The following CAND2 variants were observed in gnomAD, a reference collection of about 807,000 sequenced individuals.
CAND2 encodes cullin-associated NEDD8-dissociated protein 2.
A neutral mutation model predicts 98.9 loss-of-function variants in CAND2; 62 were observed. The ratio of observed to expected loss-of-function variants is 0.63; its 90% CI spans 0.51 to 0.77. CAND2 has a LOEUF of 0.77. Ranked by LOEUF, CAND2 falls within the 30% of genes least tolerant of loss-of-function variation. The pLI, the probability that CAND2 is intolerant of heterozygous loss-of-function variation, is 0.00. For synonymous variants in CAND2, 770 were observed against 731.9 expected, an observed-to-expected ratio of 1.05 and a Z score of -0.84; for missense variants, 1,501 against 1,655.2, an observed-to-expected ratio of 0.91 and a Z score of 1.62.
chr3:12,802,066 G>A (rs1480507072), intron 1 of CAND2, among the ~76,000 whole-genome samples: 1 of 152,192 alleles, frequency 6.6e-6, no homozygotes, highest in East Asian at 1.9e-4. Context: ...GGTGGCTCAC[G>A]CCTGTAATCC....
In CAND2 at chr3:12,817,014, C is replaced by T. The variant is rs753597109; in HGVS notation, c.2082C>T (p.Ala694=). ...GLSLPPSAVQ[A]VLAELPALVN... ...GCCTCCCACCGTCTGCCGTGCAGGC[C>T]GTGCTGGCTGAGCTGCCTGCCCTGG... The change falls in exon 10 of 15, where the codon GCC becomes GCT. Residue 694 remains alanine, a synonymous_variant. Transcript: ENST00000456430. 8.7e-6 allele frequency: 14 copies of T among 1,612,956 alleles called. No homozygotes were observed. The South Asian group carries it at 8.8e-5, about 10-fold the overall frequency.
chr3:12,819,328 G>C (rs1259355128), intron 10 of CAND2, among the ~76,000 whole-genome samples: 1 of 152,192 alleles, frequency 6.6e-6, no homozygotes, highest in Non-Finnish European at 1.5e-5. Context: ...AAGCCTGTGG[G>C]GTGGAAACAC....
rs758651361 is a variant in CAND2, at chr3:12,817,038, G to C, written c.2106G>C (p.Leu702=). 3 of 1,613,000 alleles carry C rather than the reference G, an allele frequency of 1.9e-6. No individual in the cohort carries two copies. The highest frequency in any genetic ancestry group is 2.5e-6 in the Non-Finnish European group (3 of 1,179,952). ...CCGTGCTGGCTGAGCTGCCTGCCCT[G>C]GTCAACGAGAGCGACATGCATGTGG... ...VQAVLAELPA[L]VNESDMHVAQ... is the part of the protein sequence containing the mutation. The change falls in exon 10 of 15, where the codon CTG becomes CTC. Residue 702 remains leucine, a synonymous_variant. Transcript: ENST00000456430.
At chr3:12,824,123 T>C (rs2061980916) in intron 11 of CAND2, among the ~76,000 whole-genome samples, 1 of 152,022 alleles carries the variant, frequency 6.6e-6, no homozygotes, top group Non-Finnish European at 1.5e-5. Flanking sequence ...CTGGGTAACA[T>C]AGTGAGACCC....
In CAND2 at chr3:12,815,229, G is replaced by C; in HGVS notation, c.1095G>C (p.Ser365=). The C allele has an allele frequency of 6.2e-7, 1 of 1,613,858 alleles. No individual in the cohort carries two copies. The highest frequency in any genetic ancestry group is 8.5e-7 in the Non-Finnish European group (1 of 1,180,038). The part of the protein sequence containing the change: ...AAKCIAALIS[S]RPDLLPDFHC... ...AGTGCATCGCAGCCTTGATCAGCTC[G>C]CGGCCTGACCTGCTGCCCGATTTCC... is the stretch of plus-strand genomic sequence containing the variant. The change falls in exon 8 of 15, where the codon TCG becomes TCC. Residue 365 remains serine (S), a synonymous_variant. Transcript: ENST00000456430. The surrounding 1 kb of genome is among the most constrained non-coding windows in gnomAD (Gnocchi z 5.7).
In CAND2 at chr3:12,813,303, C is replaced by T. The variant is rs1344158565; in HGVS notation, c.921C>T (p.Tyr307=). Residue 307 remains tyrosine, a synonymous_variant, in exon 7 of 15, where the codon TAC becomes TAT. Transcript: ENST00000456430. ...VPNVTSLCLQ[Y]IKHDPNYNYD... Reference sequence around the variant, plus strand: ...ACGTGACCAGCCTCTGCCTCCAATACATAAAACACGACCCCAACTACAACT... The same window carrying T: ...ACGTGACCAGCCTCTGCCTCCAATATATAAAACACGACCCCAACTACAACT... The T allele has an allele frequency of 6.2e-7, 1 of 1,614,068 alleles. No individual in the cohort carries two copies.
In CAND2 at chr3:12,817,316, GCC is replaced by G. The variant is rs757570415; in HGVS notation, c.2385_2386del (p.Leu796AlafsTer53). On this transcript the variant is annotated frameshift_variant, in exon 10 of 15. Coordinates refer to ENST00000456430, the MANE Select transcript of CAND2 (RefSeq NM_001162499.2). LOFTEE classifies it high-confidence loss of function. ...GAGCAGGCTGTGGATGGTGGGCCTG[GCC>G]TGCACAAGCAGGTGTTCCACTCATT... 3 of 1,613,808 alleles carry G rather than the reference GCC, an allele frequency of 1.9e-6. No homozygotes were observed. The African/African-American group carries it at 4.0e-5, about 22-fold the overall frequency.
At chr3:12,803,244 G>A (rs573672634) in intron 1 of CAND2, among the ~76,000 whole-genome samples, 1 of 152,142 alleles carries the variant, frequency 6.6e-6, no homozygotes, top group Admixed American at 6.5e-5. Flanking sequence ...TGCCCACCTC[G>A]GCCTCCCAAA....
intron 10 of CAND2, among the ~76,000 whole-genome samples, chr3:12,819,533 G>A (rs537170778): frequency 3.9e-5 from 6 of 152,268 alleles, no homozygotes; most frequent in East Asian, 1.9e-4. Flanking sequence ...CTCTGTGACC[G>A]AGCCTGGAGG....
At chr3:12,801,161 C>A (rs1004717640) in intron 1 of CAND2, among the ~76,000 whole-genome samples, 5 of 151,548 alleles carry the variant, frequency 3.3e-5, no homozygotes, top group African/African-American at 1.2e-4. Flanking sequence ...CCTCAGCCTT[C>A]CCAGTAGCTA....
chr3:12,802,133 C>T (rs962244212), intron 1 of CAND2, among the ~76,000 whole-genome samples: 3 of 152,218 alleles, frequency 2.0e-5, no homozygotes, highest in Non-Finnish European at 4.4e-5. Flanking sequence ...CAAGACCATC[C>T]TGGCTAACAC....
rs773773839 is a variant in CAND2 at position 12,827,437 on chromosome 3, C to G, written c.3211-3C>G. The G allele has an allele frequency of 8.1e-6, 13 of 1,611,580 alleles. No individual in the cohort carries two copies. In the Admixed American group the frequency reaches 1.8e-4, roughly 23 times the overall value. On this transcript the variant is annotated splice_region_variant and splice_polypyrimidine_tract_variant and intron_variant, in intron 12 of 14. Transcript: ENST00000456430. The stretch of plus-strand genomic sequence containing the variant: ...ATATCACCAACCTTCATCCCTCCTG[C>G]AGGTGGAGATGGGGCCCTTTAAACA...
chr3:12,817,734 C>A lies in CAND2; in HGVS notation c.2802C>A (p.Ala934=), dbSNP rs555894995. 1.0e-5 allele frequency: 16 copies of A among 1,586,022 alleles called. No homozygotes were observed. The Admixed American group carries it at 2.8e-4, about 28-fold the overall frequency. The change falls in exon 10 of 15, where the codon GCC becomes GCA. Residue 934 remains alanine, a synonymous_variant. Coordinates refer to ENST00000456430, the MANE Select transcript of CAND2 (RefSeq NM_001162499.2). ...AAQPDSLKPY[A]EDIWALLFQR... ...AGCCTGACAGCCTGAAGCCCTACGC[C>A]GAGGACATCTGGGCCTTGCTGTTCC...
Position 12,830,081 on chromosome 3 carries a change from G to A in CAND2, c.3376-1384G>A, listed in dbSNP as rs557690792. Among the ~76,000 whole-genome samples the A allele has an allele frequency of 3.9e-5, 6 of 152,296 alleles. No individual in the cohort carries two copies. The South Asian group carries it at 8.3e-4, about 21-fold the overall frequency. On this transcript the variant is annotated intron_variant, in intron 13 of 14. Coordinates refer to ENST00000456430, the MANE Select transcript of CAND2 (RefSeq NM_001162499.2). ...TGAGGCTGCACCTCCTGCAGCGGGC[G>A]TGCCTCTGACCACTCCAGACTTGGA...
intron 12 of CAND2, 104 bp downstream of exon 12, chr3:12,825,743 C>T: frequency 1.6e-6 from 2 of 1,270,520 alleles, no homozygotes; most frequent in South Asian, 1.4e-5. Flanking sequence ...GCCGGGGCCA[C>T]ATGGCCTGGG....
rs1434692752 is a variant in CAND2, at chr3:12,825,501, C to T, written c.3072C>T (p.Asp1024=). Residue 1024 remains aspartate (D), a synonymous_variant, in exon 12 of 15, where the codon GAC becomes GAT. Coordinates refer to ENST00000456430, the MANE Select transcript of CAND2 (RefSeq NM_001162499.2). ...TCATGGAGAGCCTGCAGGACCCAGA[C>T]CTGAACGTGCGCCGTGCGACTCTGG... ...GEFMESLQDP[D]LNVRRATLAF... The T allele has an allele frequency of 6.4e-7, 1 of 1,568,968 alleles. No individual in the cohort carries two copies. Among genetic ancestry groups the T allele is most frequent in the Non-Finnish European group, 8.7e-7 (1 of 1,156,058 alleles).
chr3:12,833,632 T>C lies in CAND2; in HGVS notation c.3484-123T>C, dbSNP rs2062073421. 8.9e-6 allele frequency: 7 copies of C among 785,332 alleles called. No individual in the cohort carries two copies. In the South Asian group the frequency reaches 9.8e-5, roughly 11 times the overall value. 48.6% of individuals were successfully genotyped at this position (785,332 alleles called of 1,614,324 possible). ...GGTGAGACAGAAGCCTCAGGAGACC[T>C]CGCAGCAGGGATTTATGTTGGGGAA... On this transcript the variant is annotated intron_variant, in intron 14 of 14. Transcript: ENST00000456430.
chr3:12,813,384 G>C lies in CAND2; in HGVS notation c.1002G>C (p.Glu334Asp), dbSNP rs73139814. 1.2e-6 allele frequency: 2 copies of C among 1,613,214 alleles called. No homozygotes were observed. The highest frequency in any genetic ancestry group is 2.2e-5 in the South Asian group (2 of 90,918). Residue 334 changes from glutamate (E) to aspartate (D), a missense_variant, in exon 7 of 15, where the codon GAG (glutamate) becomes GAC (aspartate). This residue lies in a region of CAND2 where 1,427 missense variants were observed against 1,545.3 expected (regional missense o/e 0.92). Transcript: ENST00000456430. Reference protein sequence around the residue: ...QMETEDSEFSEQESEDEYSDD... With the variant: ...QMETEDSEFSDQESEDEYSDD... ...AGACAGAGGATAGTGAATTCAGTGA[G>C]CAAGGTTGGTGGACAGCCCATCATT...
chr3:12,817,767 C>A lies in CAND2; in HGVS notation c.2835C>A (p.Cys945Ter). 1 of 1,559,460 alleles carries A rather than the reference C, an allele frequency of 6.4e-7. No homozygotes were observed. Among genetic ancestry groups the A allele is most frequent in the South Asian group, 1.2e-5 (1 of 81,310 alleles). The change falls in exon 10 of 15, where the codon TGC becomes TGA. Residue 945 changes from cysteine to a stop codon, truncating the protein, a stop_gained. Coordinates refer to ENST00000456430, the MANE Select transcript of CAND2 (RefSeq NM_001162499.2). LOFTEE classifies it high-confidence loss of function. ...TCTGGGCCTTGCTGTTCCAGCGCTGCGAGGGTGCTGAGGAGGGCACCCGGG... is the reference window on the plus strand; with the variant it reads ...TCTGGGCCTTGCTGTTCCAGCGCTGAGAGGGTGCTGAGGAGGGCACCCGGG... ...EDIWALLFQR[C>*]EGAEEGTRGV...
Sources: gnomAD v4.1 joint callset for allele counts (sites outside exome capture counted in the v4.1 genomes callset) on GRCh38, gnomAD v4.1.1 for gene constraint, gnomAD v4.1.1 regional missense constraint, Gnocchi (gnomAD v3.1) non-coding constraint, MANE v1.5 for transcripts, NCBI Gene and HGNC (gene_info 2026-07-23, HGNC 2026-07-21) for gene names.